The following KLHL1 variants were observed in gnomAD, a reference collection of about 807,000 sequenced individuals.
KLHL1 encodes the protein kelch-like protein 1.
KLHL1 carries 47 observed loss-of-function variants against 77.7 expected under a neutral mutation model. The observed-to-expected ratio is 0.60, with a 90% CI of 0.48 to 0.77. KLHL1 has a LOEUF of 0.77. KLHL1 is among the 30% of genes least tolerant of loss of function. The probability of loss-of-function intolerance (pLI) is 0.00; values close to 1 mark genes in which losing one functional copy is unlikely to be tolerated. For synonymous variants in KLHL1, 360 were observed against 325.2 expected (o/e 1.11, Z -1.15); for missense variants, 925 against 910.8 (o/e 1.02, Z -0.20).
At chr13:69,713,911 C>A (rs2137883986) in intron 9 of KLHL1, among the ~76,000 whole-genome samples, 1 of 151,832 alleles carries the variant, frequency 6.6e-6, no homozygotes, top group African/African-American at 2.4e-5. Flanking sequence ...TAATTTTAAC[C>A]CCAAGACAGA....
intron 1 of KLHL1, among the ~76,000 whole-genome samples, chr13:70,055,746 C>T (rs963176533): frequency 5.9e-5 from 9 of 151,954 alleles, no homozygotes; most frequent in Non-Finnish European, 1.0e-4. Flanking sequence ...GAGTTGTCAT[C>T]AGTTTAAAAT....
At chr13:69,823,076 T>C (rs539520049) in intron 6 of KLHL1, among the ~76,000 whole-genome samples, 7 of 152,124 alleles carry the variant, frequency 4.6e-5, no homozygotes, top group Non-Finnish European at 7.4e-5. Context: ...TCACCTCCGA[T>C]GGATAGAGGT....
intron 1 of KLHL1, among the ~76,000 whole-genome samples, chr13:70,081,567 A>G (rs1251259722): frequency 1.3e-5 from 2 of 152,156 alleles, no homozygotes; most frequent in Non-Finnish European, 2.9e-5. Context: ...TGCCATGGAG[A>G]TCTCTCCGTT....
At chr13:69,992,513 G>A (rs1365566088) in intron 1 of KLHL1, among the ~76,000 whole-genome samples, 1 of 151,940 alleles carries the variant, frequency 6.6e-6, no homozygotes. Context: ...GAGTATAAGC[G>A]GATGGTTGAT....
intron 1 of KLHL1, among the ~76,000 whole-genome samples, chr13:70,010,940 G>C (rs1451633613): frequency 2.2e-5 from 3 of 138,186 alleles, no homozygotes; most frequent in Non-Finnish European, 4.7e-5. Context: ...AAAGAGCTCA[G>C]TATCAGTAGA....
intron 7 of KLHL1, among the ~76,000 whole-genome samples, chr13:69,776,529 T>G (rs1875836702): frequency 6.6e-6 from 1 of 152,204 alleles, no homozygotes; most frequent in South Asian, 2.1e-4. Flanking sequence ...CATTCTAAAT[T>G]ATATTTTTGT....
intron 1 of KLHL1, among the ~76,000 whole-genome samples, chr13:70,081,331 C>T (rs1169078031): frequency 2.6e-5 from 4 of 152,106 alleles, no homozygotes; most frequent in African/African-American, 4.8e-5. Context: ...GAAGTCTGGG[C>T]ATGTCTTAGC....
chr13:70,108,049 G>C lies in KLHL1; in HGVS notation c.-350C>G, dbSNP rs1888120760. On this transcript the variant is annotated 5_prime_UTR_variant, in exon 1 of 11. Transcript: ENST00000377844. ...GACAACCCTTAGGCTGGAGATGCGC[G>C]AGGGAGGGAGGTCTGAGCGCTCCGA... 1 of 424,800 alleles carries C rather than the reference G, an allele frequency of 2.4e-6. No homozygotes were observed. The highest frequency in any genetic ancestry group is 4.1e-6 in the Non-Finnish European group (1 of 241,058). 26.3% of individuals were successfully genotyped at this position (424,800 alleles called of 1,614,324 possible).
At chr13:69,758,173 G>C (rs1874853255) in intron 7 of KLHL1, among the ~76,000 whole-genome samples, 1 of 151,778 alleles carries the variant, frequency 6.6e-6, no homozygotes, top group Non-Finnish European at 1.5e-5. Flanking sequence ...TACTCAAAAG[G>C]TGAACAAAAA....
chr13:70,090,040 T>C (rs1887636130), intron 1 of KLHL1, among the ~76,000 whole-genome samples: 1 of 152,102 alleles, frequency 6.6e-6, no homozygotes, highest in Non-Finnish European at 1.5e-5. Context: ...GTATTGATAA[T>C]AGAATTAATC....
intron 1 of KLHL1, among the ~76,000 whole-genome samples, chr13:70,042,790 G>C (rs1364797740): frequency 2.6e-5 from 4 of 152,164 alleles, no homozygotes; most frequent in African/African-American, 9.7e-5. Context: ...TATTCCAGAA[G>C]AAGGCATTGC....
rs771001444 is a variant in KLHL1, at chr13:69,757,181, A to G, written c.1640-16625T>C. 1.6e-3 allele frequency among the ~76,000 whole-genome samples: 245 copies of G among 152,246 alleles called. 2 individuals carry two copies. The highest frequency in any genetic ancestry group is 5.8e-4 in the East Asian group (3 of 5,180). Reference sequence around the variant, plus strand: ...AGAGTCCTTTTTTATCATTTCCGTGAACCTCCTTGAAGACACAAAACTTTA... The same window carrying G: ...AGAGTCCTTTTTTATCATTTCCGTGGACCTCCTTGAAGACACAAAACTTTA... On this transcript the variant is annotated intron_variant, in intron 7 of 10. Coordinates refer to ENST00000377844, the MANE Select transcript of KLHL1 (RefSeq NM_020866.3).
intron 3 of KLHL1, among the ~76,000 whole-genome samples, chr13:69,947,028 TTGTGTGTGTG>T (rs59606834): frequency 0.18 from 26,129 of 145,802 alleles, 2,372 homozygotes; most frequent in Middle Eastern, 0.23. Flanking sequence ...TGTGTGTGTG[TTGTGTGTGTG>T]TGTGTGTGTG....
Position 69,882,405 on chromosome 13 carries a change from C to T in KLHL1, c.1105G>A (p.Val369Ile). ...HKLLASDDVN[V>I]PDEETIFHAL... Reference sequence around the variant, plus strand: ...TGGAAGATGGTTTCTTCATCAGGAACATTGACATCATCACTGGCCAGTAGT... The same window carrying T: ...TGGAAGATGGTTTCTTCATCAGGAATATTGACATCATCACTGGCCAGTAGT... The change falls in exon 5 of 11, where the codon GTT (valine) becomes ATT (isoleucine). Residue 369 changes from valine (V) to isoleucine (I), a missense_variant. Val to Ile is a conservative substitution (Grantham distance 29, BLOSUM62 3). Transcript: ENST00000377844. 1 of 1,613,768 alleles carries T rather than the reference C, an allele frequency of 6.2e-7. No individual in the cohort carries two copies. Among genetic ancestry groups the T allele is most frequent in the Non-Finnish European group, 8.5e-7 (1 of 1,179,696 alleles).
chr13:69,724,722 A>G (rs1246623961), intron 8 of KLHL1, among the ~76,000 whole-genome samples: 1 of 152,140 alleles, frequency 6.6e-6, no homozygotes, highest in Non-Finnish European at 1.5e-5. Context: ...CATACACCAC[A>G]TGAATAAAGG....
intron 5 of KLHL1, among the ~76,000 whole-genome samples, chr13:69,871,434 T>C (rs1880582724): frequency 6.6e-6 from 1 of 152,188 alleles, no homozygotes; most frequent in Non-Finnish European, 1.5e-5. Context: ...ATTTCTCTAG[T>C]AAGCGATTGC....
At chr13:69,736,681 T>TAG (rs1426751736) in intron 8 of KLHL1, among the ~76,000 whole-genome samples, 17 of 146,710 alleles carry the variant, frequency 1.2e-4, no homozygotes, top group African/African-American at 3.0e-4. Context: ...GATTGTGAGA[T>TAG]ATATATATGT....
chr13:69,903,561 T>C (rs1406979884), intron 4 of KLHL1, among the ~76,000 whole-genome samples: 2 of 151,838 alleles, frequency 1.3e-5, no homozygotes, highest in African/African-American at 4.8e-5. Context: ...TGTGTCTCAT[T>C]TGCAAACTGC....
rs141389911 is a variant in KLHL1 at position 69,827,716 on chromosome 13, C to T, written c.1414+11260G>A. ...ACTGCACTCCAGCCTGGCGACAGAG[C>T]GAGACCCTGTCTCAAAAAAAAAAAA... is the stretch of plus-strand genomic sequence containing the variant. On this transcript the variant is annotated intron_variant, in intron 6 of 10. Transcript: ENST00000377844. 5.7e-3 allele frequency among the ~76,000 whole-genome samples: 738 copies of T among 129,490 alleles called. 4 individuals carry two copies. Among genetic ancestry groups the T allele is most frequent in the African/African-American group, 0.02 (673 of 32,838 alleles). 85.0% of individuals were successfully genotyped at this position (129,490 alleles called of 152,430 possible). A position where few individuals can be genotyped will look rare whatever the true frequency, so the allele number is the denominator to read the frequency against.
Sources: gnomAD v4.1 joint callset for allele counts (sites outside exome capture counted in the v4.1 genomes callset) on GRCh38, gnomAD v4.1.1 for gene constraint, MANE v1.5 for transcripts, NCBI Gene and HGNC (gene_info 2026-07-23, HGNC 2026-07-21) for gene names.